The following ADGRB3 variants were observed in gnomAD, a reference collection of about 807,000 sequenced individuals.
ADGRB3 encodes the protein adhesion G protein-coupled receptor B3.
In ADGRB3, 37 loss-of-function variants were observed where a neutral mutation model predicts 193.4. The ratio of observed to expected loss-of-function variants is 0.19; its 90% CI spans 0.15 to 0.25. The LOEUF is 0.25. ADGRB3 is among the 10% of genes least tolerant of loss of function. The pLI, the probability that ADGRB3 is intolerant of heterozygous loss-of-function variation, is 1.00. For missense variants in ADGRB3, 1,637 were observed against 1,852.9 expected (o/e 0.88, Z 2.14); for synonymous variants, 690 against 644.2 (o/e 1.07, Z -1.08).
chr6:69,376,485 G>C (rs1246371419), intron 30 of ADGRB3, among the ~76,000 whole-genome samples: 1 of 151,756 alleles, frequency 6.6e-6, no homozygotes, highest in Admixed American at 6.6e-5. Context: ...TCTCAAACTG[G>C]GAGACAATGA....
chr6:68,829,751 G>T (rs911509078), intron 3 of ADGRB3, among the ~76,000 whole-genome samples: 1 of 151,938 alleles, frequency 6.6e-6, no homozygotes, highest in African/African-American at 2.4e-5. Context: ...AAAACTGTTT[G>T]CTTAAAAATC....
intron 11 of ADGRB3, among the ~76,000 whole-genome samples, chr6:68,997,379 A>G (rs1345105113): frequency 6.6e-6 from 1 of 150,420 alleles, no homozygotes; most frequent in African/African-American, 2.5e-5. Context: ...GCAGTGGCTC[A>G]TGTCTGTAAT....
At chr6:69,106,185 AAAAGAAAAG>A in intron 17 of ADGRB3, among the ~76,000 whole-genome samples, 3 of 141,050 alleles carry the variant, frequency 2.1e-5, no homozygotes, top group Admixed American at 7.1e-5. Flanking sequence ...AAAAAAAAAG[AAAAGAAAAG>A]AAAAAAGAAA....
intron 3 of ADGRB3, among the ~76,000 whole-genome samples, chr6:68,803,717 T>C (rs914387745): frequency 1.3e-5 from 2 of 152,194 alleles, no homozygotes; most frequent in African/African-American, 4.8e-5. Context: ...ATGTTGCTCA[T>C]TGCTTGCTTT....
chr6:68,853,144 A>G (rs1201301014), intron 3 of ADGRB3, among the ~76,000 whole-genome samples: 1 of 152,034 alleles, frequency 6.6e-6, no homozygotes. Flanking sequence ...TCTGTAATTT[A>G]TTTTTACCCA....
At chr6:68,704,482 T>C (rs188797975) in intron 3 of ADGRB3, among the ~76,000 whole-genome samples, 4 of 152,304 alleles carry the variant, frequency 2.6e-5, no homozygotes, top group African/African-American at 9.6e-5. Context: ...ACTTTGAGAT[T>C]AGAAGTCTAT....
chr6:69,152,674 C>G (rs1188114338), intron 17 of ADGRB3, among the ~76,000 whole-genome samples: 1 of 152,140 alleles, frequency 6.6e-6, no homozygotes, highest in Non-Finnish European at 1.5e-5. Flanking sequence ...TGAGTATATG[C>G]TACTGTTTTA....
intron 3 of ADGRB3, among the ~76,000 whole-genome samples, chr6:68,920,680 A>G (rs566604717): frequency 6.6e-6 from 1 of 152,218 alleles, no homozygotes; most frequent in South Asian, 2.1e-4. Flanking sequence ...GGCTTGCCAG[A>G]CTAACGTTCA....
chr6:68,915,702 T>A (rs1766859427), intron 3 of ADGRB3, among the ~76,000 whole-genome samples: 1 of 151,908 alleles, frequency 6.6e-6, no homozygotes, highest in Non-Finnish European at 1.5e-5. Context: ...CTAGTAAAAC[T>A]ACTCAGTGGC....
intron 3 of ADGRB3, among the ~76,000 whole-genome samples, chr6:68,726,068 T>C (rs1765668580): frequency 6.6e-6 from 1 of 151,740 alleles, no homozygotes; most frequent in African/African-American, 2.4e-5. Flanking sequence ...AATTTCTAGA[T>C]AGACACCAGT....
At chr6:69,335,049 T>C (rs1042635760) in intron 24 of ADGRB3, among the ~76,000 whole-genome samples, 1 of 151,936 alleles carries the variant, frequency 6.6e-6, no homozygotes, top group South Asian at 2.1e-4. Context: ...CAATCAAGAA[T>C]CCATGATTCC....
chr6:69,248,749 A>G (rs1386894870), intron 20 of ADGRB3, among the ~76,000 whole-genome samples: 1 of 152,192 alleles, frequency 6.6e-6, no homozygotes, highest in Non-Finnish European at 1.5e-5. Flanking sequence ...GGCAATTTTG[A>G]GCTTTCTAGA....
intron 3 of ADGRB3, among the ~76,000 whole-genome samples, chr6:68,650,323 G>A (rs893592939): frequency 2.0e-5 from 3 of 151,424 alleles, no homozygotes; most frequent in African/African-American, 4.9e-5. Context: ...GGTTTTTTTC[G>A]GTATTTATCT....
chr6:68,775,317 A>G (rs1279332113), intron 3 of ADGRB3, among the ~76,000 whole-genome samples: 2 of 152,178 alleles, frequency 1.3e-5, no homozygotes, highest in East Asian at 3.9e-4. Flanking sequence ...TAGCTAAGGA[A>G]CAGCAAATGT....
intron 3 of ADGRB3, among the ~76,000 whole-genome samples, chr6:68,840,688 AAAAC>A (rs139446106): frequency 2.6e-4 from 39 of 151,296 alleles, no homozygotes; most frequent in South Asian, 8.3e-4. Flanking sequence ...GAGGATCACA[AAAAC>A]AAACAAACAA....
At chr6:69,122,627 A>C (rs917871852) in intron 17 of ADGRB3, among the ~76,000 whole-genome samples, 6 of 152,050 alleles carry the variant, frequency 3.9e-5, no homozygotes, top group African/African-American at 1.2e-4. Context: ...AGATAAGTTA[A>C]AAATAAAGTT....
chr6:69,216,631 A>G (rs1765777780), intron 17 of ADGRB3, among the ~76,000 whole-genome samples: 1 of 152,176 alleles, frequency 6.6e-6, no homozygotes, highest in African/African-American at 2.4e-5. Context: ...TTCCAAGAAC[A>G]CAGAAAATGA....
intron 20 of ADGRB3, among the ~76,000 whole-genome samples, chr6:69,254,412 T>C (rs1159219057): frequency 6.6e-6 from 1 of 152,186 alleles, no homozygotes; most frequent in Non-Finnish European, 1.5e-5. Context: ...TACTTTTTTT[T>C]CCAATACTAG....
chr6:69,282,580 T>C (rs531297152), intron 20 of ADGRB3, among the ~76,000 whole-genome samples: 1 of 152,232 alleles, frequency 6.6e-6, no homozygotes, highest in Non-Finnish European at 1.5e-5. Flanking sequence ...AAGGAGTTTG[T>C]TGTTTCGTTT....
Sources: allele counts gnomAD v4.1 joint callset (sites outside exome capture counted in the v4.1 genomes callset), GRCh38; gene constraint gnomAD v4.1.1; transcripts MANE v1.5; gene names NCBI Gene and HGNC (gene_info 2026-07-23, HGNC 2026-07-21).